SLC35E3: variants seen among roughly 807,000 people sequenced by gnomAD.
SLC35E3 encodes solute carrier family 35 member E3.
SLC35E3 carries 28 observed loss-of-function variants against 30.8 expected under a neutral mutation model. The ratio of observed to expected loss-of-function variants is 0.91; its 90% CI spans 0.67 to 1.25. The LOEUF is 1.25. Ranked by LOEUF, SLC35E3 falls within the 50% of genes most tolerant of loss-of-function variation. The pLI, the probability that SLC35E3 is intolerant of heterozygous loss-of-function variation, is 0.00. For synonymous variants in SLC35E3, 146 were observed against 149.2 expected, an observed-to-expected ratio of 0.98 and a Z score of 0.16; for missense variants, 365 against 375.4, an observed-to-expected ratio of 0.97 and a Z score of 0.23.
In SLC35E3 at chr12:68,768,254, A is replaced by G. The variant is rs1232646873; in HGVS notation, c.*3364A>G. The stretch of plus-strand genomic sequence containing the variant: ...CAGTGAGCCGAGACTGCGCCATTGC[A>G]CACCAGCCTGGGTGACGAGAGTGAA... On this transcript the variant is annotated 3_prime_UTR_variant, in exon 5 of 5. Transcript: ENST00000398004. The G allele has an allele frequency of 6.6e-6, 1 of 152,086 alleles. No individual in the cohort carries two copies. Among genetic ancestry groups the G allele is most frequent in the Non-Finnish European group, 1.5e-5 (1 of 68,026 alleles). 9.4% of individuals were successfully genotyped at this position (152,086 alleles called of 1,614,324 possible). A position where few individuals can be genotyped will look rare whatever the true frequency, so the allele number is the denominator to read the frequency against.
rs769353840 is a variant in SLC35E3, at chr12:68,764,930, T to TA, written c.*46dup. The TA allele has an allele frequency of 1.8e-5, 28 of 1,579,324 alleles. No individual in the cohort carries two copies. The highest frequency in any genetic ancestry group is 3.6e-5 in the Admixed American group (2 of 55,082). On this transcript the variant is annotated 3_prime_UTR_variant, in exon 5 of 5. Coordinates refer to ENST00000398004, the MANE Select transcript of SLC35E3 (RefSeq NM_018656.5). ...AGAAAAGAATGTTGTCCCAAGAAGA[T>TA]AAAAAATATTGTTAAGTGTGCAAGT...
chr12:68,767,272 T>C lies in SLC35E3; in HGVS notation c.*2382T>C, dbSNP rs150351643. 1.3e-5 allele frequency: 2 copies of C among 152,324 alleles called. No individual in the cohort carries two copies. Among genetic ancestry groups the C allele is most frequent in the East Asian group, 3.9e-4 (2 of 5,194 alleles). 9.4% of individuals were successfully genotyped at this position (152,324 alleles called of 1,614,324 possible). ...CTCTTGTAATAATTCATTTTCTAAA[T>C]GTTATTTATCAACTTTCATGGAGAA... On this transcript the variant is annotated 3_prime_UTR_variant, in exon 5 of 5. Coordinates refer to ENST00000398004, the MANE Select transcript of SLC35E3 (RefSeq NM_018656.5).
At position 68,778,211 on chromosome 12, in the gene SLC35E3, A is replaced by G. The variant is rs192344269; in HGVS notation, c.*13321A>G. The stretch of plus-strand genomic sequence containing the variant: ...GGCAAAAAGTGTTAATAGGATCAAG[A>G]TTTTTTTTTTTAAAGAACAATCCAC... On this transcript the variant is annotated 3_prime_UTR_variant, in exon 5 of 5. Transcript: ENST00000398004. 2 of 149,322 alleles carry G rather than the reference A, an allele frequency of 1.3e-5. No individual in the cohort carries two copies. Among genetic ancestry groups the G allele is most frequent in the East Asian group, 3.9e-4 (2 of 5,128 alleles). 9.2% of individuals were successfully genotyped at this position (149,322 alleles called of 1,614,324 possible). A position where few individuals can be genotyped will look rare whatever the true frequency, so the allele number is the denominator to read the frequency against.
At chr12:68,756,678 A>G (rs778106058) in intron 3 of SLC35E3, among the ~76,000 whole-genome samples, 6 of 152,174 alleles carry the variant, frequency 3.9e-5, no homozygotes, top group Non-Finnish European at 5.9e-5. Context: ...AATAAATGTG[A>G]TACACTATGT....
Position 68,771,234 on chromosome 12 carries a change from A to C in SLC35E3, c.*6344A>C, listed in dbSNP as rs892661347. On this transcript the variant is annotated 3_prime_UTR_variant, in exon 5 of 5. Transcript: ENST00000398004. Reference sequence around the variant, plus strand: ...AGCTGCAGTGATCTGAGATTGCACCACTGCACTCCAGCCTGGGTGACAGAG... The same window carrying C: ...AGCTGCAGTGATCTGAGATTGCACCCCTGCACTCCAGCCTGGGTGACAGAG... 1 of 151,862 alleles carries C rather than the reference A, an allele frequency of 6.6e-6. No homozygotes were observed. The highest frequency in any genetic ancestry group is 1.5e-5 in the Non-Finnish European group (1 of 68,050). 9.4% of individuals were successfully genotyped at this position (151,862 alleles called of 1,614,324 possible). A position where few individuals can be genotyped will look rare whatever the true frequency, so the allele number is the denominator to read the frequency against.
In SLC35E3 at chr12:68,774,679, A is replaced by C. The variant is rs1879690587; in HGVS notation, c.*9789A>C. On this transcript the variant is annotated 3_prime_UTR_variant, in exon 5 of 5. Transcript: ENST00000398004. ...CCTGATCCTGGGAGGTTGAGGCTGC[A>C]GTGAGCCATGATCATGCCACTGCAC... The C allele has an allele frequency of 6.6e-6, 1 of 152,014 alleles. No individual in the cohort carries two copies. Among genetic ancestry groups the C allele is most frequent in the Non-Finnish European group, 1.5e-5 (1 of 68,156 alleles). 9.4% of individuals were successfully genotyped at this position (152,014 alleles called of 1,614,324 possible).
At chr12:68,757,004 G>A (rs1027959731) in intron 3 of SLC35E3, among the ~76,000 whole-genome samples, 3 of 152,120 alleles carry the variant, frequency 2.0e-5, no homozygotes, top group Non-Finnish European at 2.9e-5. Flanking sequence ...GACAGAGTGA[G>A]ACTCCAAATA....
chr12:68,752,125 G>T lies in SLC35E3; in HGVS notation c.607G>T (p.Val203Leu), dbSNP rs776968140. 6.2e-7 allele frequency: 1 copy of T among 1,613,922 alleles called. No homozygotes were observed. The highest frequency in any genetic ancestry group is 1.7e-5 in the Admixed American group (1 of 59,908). ...GTCATCTGCCATGTTGCTGGTTGCT[G>T]TGCCCTTCTTTGAGCCAGTGTTTGG... ...PMSSAMLLVA[V>L]PFFEPVFGEG... The change falls in exon 3 of 5, where the codon GTG becomes TTG. Residue 203 changes from valine (V) to leucine (L), a missense_variant. Physicochemically the swap from Val to Leu is conservative, Grantham distance 32. Transcript: ENST00000398004.
At position 68,775,838 on chromosome 12, in the gene SLC35E3, C is replaced by A. The variant is rs1199081444; in HGVS notation, c.*10948C>A. On this transcript the variant is annotated 3_prime_UTR_variant, in exon 5 of 5. Coordinates refer to ENST00000398004, the MANE Select transcript of SLC35E3 (RefSeq NM_018656.5). ...TGGCGTGTGCCTGTAATCCCAGCTG[C>A]TCAGGAGGCTGAGGCAGGAGAATGG... 1.4e-5 allele frequency: 2 copies of A among 146,924 alleles called. No individual in the cohort carries two copies. Among genetic ancestry groups the A allele is most frequent in the Middle Eastern group, 3.6e-3 (1 of 276 alleles). 9.1% of individuals were successfully genotyped at this position (146,924 alleles called of 1,614,324 possible). A position where few individuals can be genotyped will look rare whatever the true frequency, so the allele number is the denominator to read the frequency against.
At position 68,752,173 on chromosome 12, in the gene SLC35E3, T is replaced by C; in HGVS notation, c.655T>C (p.Trp219Arg). 1 of 1,611,262 alleles carries C rather than the reference T, an allele frequency of 6.2e-7. No individual in the cohort carries two copies. Among genetic ancestry groups the C allele is most frequent in the Non-Finnish European group, 8.5e-7 (1 of 1,179,244 alleles). ...TGGAGAAGGAGGAATATTTGGTCCCTGGTCAGTTTCTGCTTTGGTAAGTTC... is the reference window on the plus strand; with the variant it reads ...TGGAGAAGGAGGAATATTTGGTCCCCGGTCAGTTTCTGCTTTGGTAAGTTC... ...VFGEGGIFGP[W>R]SVSALLMVLL... Residue 219 changes from tryptophan to arginine, a missense_variant, in exon 3 of 5, where the codon TGG becomes CGG. Physicochemically the swap from Trp to Arg is moderately radical, Grantham distance 101. Transcript: ENST00000398004.
chr12:68,756,143 A>G (rs921441944), intron 3 of SLC35E3, among the ~76,000 whole-genome samples: 4 of 152,146 alleles, frequency 2.6e-5, no homozygotes, highest in Non-Finnish European at 5.9e-5. Context: ...TCATTGGACC[A>G]TCTATCAGAT....
chr12:68,766,349 G>C lies in SLC35E3; in HGVS notation c.*1459G>C, dbSNP rs1304493525. 6.6e-6 allele frequency: 1 copy of C among 152,330 alleles called. No individual in the cohort carries two copies. Among genetic ancestry groups the C allele is most frequent in the Admixed American group, 6.6e-5 (1 of 15,250 alleles). The allele number at this position is 152,330 out of a possible 1,614,324, so 9.4% of individuals were successfully genotyped here. ...TAAAAATACAAAATTAGCCAGGCAT[G>C]GTGGCACATGCCTGTAATCCCAGCT... On this transcript the variant is annotated 3_prime_UTR_variant, in exon 5 of 5. Transcript: ENST00000398004.
rs7967055 is a variant in SLC35E3, at chr12:68,769,174, G to A, written c.*4284G>A. ...GGAGAATGGCTTGAACCCGGGAGGC[G>A]GAGGTTGCAGTGAGCCGAGATCACG... On this transcript the variant is annotated 3_prime_UTR_variant, in exon 5 of 5. Transcript: ENST00000398004. The A allele has an allele frequency of 9.0e-3, 1,364 of 152,014 alleles. 12 individuals are homozygous for A. Among genetic ancestry groups the A allele is most frequent in the South Asian group, 0.02 (97 of 4,794 alleles). The allele number at this position is 152,014 out of a possible 1,614,324, so 9.4% of individuals were successfully genotyped here.
intron 3 of SLC35E3, among the ~76,000 whole-genome samples, chr12:68,755,019 CT>C (rs1279018460): frequency 6.6e-6 from 1 of 152,202 alleles, no homozygotes; most frequent in African/African-American, 2.4e-5. Flanking sequence ...TGAGAACAGG[CT>C]GCCAGTATGG....
chr12:68,758,733 T>C (rs866201075), intron 3 of SLC35E3, among the ~76,000 whole-genome samples: 131 of 94,964 alleles, frequency 1.4e-3, no homozygotes, highest in African/African-American at 5.8e-3. Context: ...CTCTTTCTTT[T>C]TTTTTTTTTT....
At chr12:68,757,355 T>G (rs1426250704) in intron 3 of SLC35E3, among the ~76,000 whole-genome samples, 1 of 152,232 alleles carries the variant, frequency 6.6e-6, no homozygotes, top group Middle Eastern at 3.2e-3. Flanking sequence ...AGTATCAAGT[T>G]TAAGTTTTCT....
intron 3 of SLC35E3, among the ~76,000 whole-genome samples, chr12:68,755,504 C>T (rs1592538546): frequency 6.6e-6 from 1 of 151,990 alleles, no homozygotes; most frequent in South Asian, 2.1e-4. Flanking sequence ...TTGTATTAGT[C>T]CATTTTATGA....
chr12:68,749,229 G>A (rs1419509071), intron 2 of SLC35E3, among the ~76,000 whole-genome samples: 1 of 152,192 alleles, frequency 6.6e-6, no homozygotes, highest in South Asian at 2.1e-4. Flanking sequence ...TATTTGACAT[G>A]AGATTGACCA....
intron 2 of SLC35E3, among the ~76,000 whole-genome samples, chr12:68,748,459 C>T (rs1041789942): frequency 6.6e-6 from 1 of 152,008 alleles, no homozygotes; most frequent in African/African-American, 2.4e-5. Flanking sequence ...GTTTTTGCCT[C>T]AAAAATTATA....
Sources: gnomAD v4.1 joint callset for allele counts (sites outside exome capture counted in the v4.1 genomes callset) on GRCh38, gnomAD v4.1.1 for gene constraint, MANE v1.5 for transcripts, NCBI Gene and HGNC (gene_info 2026-07-23, HGNC 2026-07-21) for gene names.